The following HDLBP variants were observed in gnomAD, a reference collection of about 807,000 sequenced individuals.
HDLBP encodes high density lipoprotein binding protein.
Under a neutral mutation model 137.3 loss-of-function variants are expected in HDLBP, and 30 were observed. The ratio of observed to expected loss-of-function variants is 0.22; its 90% CI spans 0.16 to 0.30. HDLBP has a LOEUF of 0.30. HDLBP is among the 10% of genes least tolerant of loss of function. HDLBP has a pLI of 1.00. For synonymous variants in HDLBP, 606 were observed against 596.0 expected (o/e 1.02, Z -0.24); for missense variants, 1,119 against 1,667.3 (o/e 0.67, Z 5.73).
chr2:241,256,220 C>G lies in HDLBP; in HGVS notation c.837G>C (p.Gln279His). Residue 279 changes from glutamine to histidine, a missense_variant, in exon 7 of 28, where the codon CAG becomes CAC. Gln to His is a conservative substitution (Grantham distance 24). Around this residue, in one of 4 missense-constraint regions of HDLBP, gnomAD observed 425 missense variants for 693.9 expected, o/e 0.61. Transcript: ENST00000310931. Reference sequence around the variant, plus strand: ...AAATCTTCTTGATGCGAGCCACAGCCTGAGCCAACTGTTCCTTCTCTCCAG... The same window carrying G: ...AAATCTTCTTGATGCGAGCCACAGCGTGAGCCAACTGTTCCTTCTCTCCAG... The part of the protein sequence containing the change: ...VFTGEKEQLA[Q>H]AVARIKKIYE... 6.2e-7 allele frequency: 1 copy of G among 1,614,194 alleles called. No individual in the cohort carries two copies. Among genetic ancestry groups the G allele is most frequent in the East Asian group, 2.2e-5 (1 of 44,878 alleles).
chr2:241,237,879 A>G (rs2149379179), intron 20 of HDLBP, among the ~76,000 whole-genome samples: 1 of 152,320 alleles, frequency 6.6e-6, no homozygotes, highest in Non-Finnish European at 1.5e-5. Context: ...TTAGTTTCCT[A>G]CTCAAAACAC....
chr2:241,292,211 C>G (rs1420344406), intron 1 of HDLBP, among the ~76,000 whole-genome samples: 1 of 151,258 alleles, frequency 6.6e-6, no homozygotes, highest in East Asian at 1.9e-4. Context: ...AACAAACAGC[C>G]TGAAACCAAT....
intron 1 of HDLBP, among the ~76,000 whole-genome samples, chr2:241,285,750 T>C (rs2074783235): frequency 6.6e-6 from 1 of 152,234 alleles, no homozygotes; most frequent in African/African-American, 2.4e-5. Context: ...AAATTATGGC[T>C]GGACATGGTG....
At position 241,295,602 on chromosome 2, in the gene HDLBP, A is replaced by C. The variant is rs2075147774; in HGVS notation, c.-103+19968T>G. 1.3e-5 allele frequency among the ~76,000 whole-genome samples: 2 copies of C among 152,216 alleles called. 1 individual carries two copies. The highest frequency in any genetic ancestry group is 4.1e-4 in the South Asian group (2 of 4,830). On this transcript the variant is annotated intron_variant, in intron 1 of 27. Transcript: ENST00000310931. ...CTACACCCCCAATCACACTCCAAAT[A>C]ACATCTGTGATAGGCTGAAAAATGG...
At chr2:241,314,949 G>T (rs1226678728) in intron 1 of HDLBP, among the ~76,000 whole-genome samples, 1 of 152,104 alleles carries the variant, frequency 6.6e-6, no homozygotes, top group South Asian at 2.1e-4. Context: ...CAGGCCACGC[G>T]GGAGGGAGGA....
At chr2:241,267,038 A>G in intron 2 of HDLBP, 132 bp from the exon 3 acceptor site, 1 of 673,880 alleles carries the variant, frequency 1.5e-6, no homozygotes, top group Non-Finnish European at 2.6e-6. Context: ...TTTTCCTCAC[A>G]ACCTCTGATG....
chr2:241,313,095 CAGTT>C (rs975294447), intron 1 of HDLBP, among the ~76,000 whole-genome samples: 2 of 152,208 alleles, frequency 1.3e-5, no homozygotes, highest in African/African-American at 4.8e-5. Context: ...TTTTAAACCG[CAGTT>C]CAAGGACCAC....
chr2:241,236,475 G>A (rs559372246), intron 21 of HDLBP, 140 bp downstream of exon 21: 65 of 817,576 alleles, frequency 8.0e-5, no homozygotes, highest in South Asian at 1.1e-4. Flanking sequence ...CAGCCCGTGC[G>A]CACACGGTAG....
intron 1 of HDLBP, among the ~76,000 whole-genome samples, chr2:241,275,958 T>C (rs999904748): frequency 6.6e-6 from 1 of 152,046 alleles, no homozygotes; most frequent in African/African-American, 2.4e-5. Flanking sequence ...AAAGAAGGAA[T>C]ACTGATAAAC....
intron 23 of HDLBP, among the ~76,000 whole-genome samples, chr2:241,234,258 C>T (rs895102944): frequency 6.6e-6 from 1 of 152,176 alleles, no homozygotes; most frequent in Non-Finnish European, 1.5e-5. Flanking sequence ...CAGTGAGTCA[C>T]GAGCTTGGGG....
chr2:241,254,154 A>G (rs2072428403), intron 9 of HDLBP, among the ~76,000 whole-genome samples: 2 of 152,148 alleles, frequency 1.3e-5, no homozygotes, highest in African/African-American at 2.4e-5. Flanking sequence ...AGTGCCAGCT[A>G]CTTGGGAAGC....
Position 241,233,793 on chromosome 2 carries a change from C to CCGA in HDLBP, c.3288+24_3288+26dup. On this transcript the variant is annotated intron_variant, in intron 24 of 27. Coordinates refer to ENST00000310931, the MANE Select transcript of HDLBP (RefSeq NM_005336.6). This position sits in a 1 kb window ranked among gnomAD's most constrained non-coding sequence, Gnocchi z 4.3. Reference sequence around the variant, plus strand: ...GAAAGGTCAACAAGCACCTCTGCCCCCGACACGCTCCAACCGAGGCTCTCA... The same window carrying CCGA: ...GAAAGGTCAACAAGCACCTCTGCCCCCGACGACACGCTCCAACCGAGGCTCTCA... The CCGA allele has an allele frequency of 6.2e-7, 1 of 1,613,728 alleles. No individual in the cohort carries two copies. Among genetic ancestry groups the CCGA allele is most frequent in the Non-Finnish European group, 8.5e-7 (1 of 1,179,978 alleles).
Position 241,272,973 on chromosome 2 carries a change from C to A in HDLBP, c.-102-4432G>T. The stretch of plus-strand genomic sequence containing the variant: ...CCCGGGAGGCCCACCCAACTGCAGG[C>A]GTGGTTCTGCATCCTTTTTTCGGGT... On this transcript the variant is annotated intron_variant, in intron 1 of 27. Coordinates refer to ENST00000310931, the MANE Select transcript of HDLBP (RefSeq NM_005336.6). The surrounding 1 kb of genome is among the most constrained non-coding windows in gnomAD (Gnocchi z 5.6). 3.6e-5 allele frequency: 35 copies of A among 966,744 alleles called. No individual in the cohort carries two copies. Among genetic ancestry groups the A allele is most frequent in the Non-Finnish European group, 4.3e-5 (35 of 812,652 alleles). 59.9% of individuals were successfully genotyped at this position (966,744 alleles called of 1,614,324 possible).
rs773773749 is a variant in HDLBP at position 241,238,680 on chromosome 2, T to C, written c.2718A>G (p.Gln906=). 12 of 1,580,954 alleles carry C rather than the reference T, an allele frequency of 7.6e-6. No individual in the cohort carries two copies. In the East Asian group the frequency reaches 9.1e-5, roughly 12 times the overall value. Residue 906 remains glutamine, a synonymous_variant, in exon 20 of 28, where the codon CAA becomes CAG. Coordinates refer to ENST00000310931, the MANE Select transcript of HDLBP (RefSeq NM_005336.6). This position sits in a 1 kb window ranked among gnomAD's most constrained non-coding sequence, Gnocchi z 4.9. ...IQQITRDFSV[Q]IKFPDREENA... ...TCTCCTCTCTGTCTGGGAATTTAAT[T>C]TGAACACTGAAATCCCGAGTAATCT...
At chr2:241,250,811 T>C (rs1007624963) in intron 11 of HDLBP, 12 of 152,040 alleles carry the variant, frequency 7.9e-5, no homozygotes, top group African/African-American at 2.9e-4. Flanking sequence ...GCAGAGGACA[T>C]GGGAGCTGGG....
chr2:241,288,920 T>C (rs2074920609), intron 1 of HDLBP, among the ~76,000 whole-genome samples: 1 of 152,198 alleles, frequency 6.6e-6, no homozygotes, highest in African/African-American at 2.4e-5. Flanking sequence ...AACAAAATAA[T>C]TTGAAGTTTG....
chr2:241,268,068 T>G, intron 2 of HDLBP: 1 of 638,758 alleles, frequency 1.6e-6, no homozygotes, highest in Non-Finnish European at 1.9e-6. Flanking sequence ...CTTTACACAA[T>G]TACGCATCAA....
intron 3 of HDLBP, 89 bp downstream of exon 3, chr2:241,266,705 C>CT (rs1180664623): frequency 1.1e-6 from 1 of 902,926 alleles, no homozygotes; most frequent in East Asian, 2.4e-5. Flanking sequence ...CCAAAAGGTA[C>CT]TTCTAGAAAG....
At chr2:241,287,658 G>C (rs968829797) in intron 1 of HDLBP, among the ~76,000 whole-genome samples, 1 of 152,038 alleles carries the variant, frequency 6.6e-6, no homozygotes, top group Non-Finnish European at 1.5e-5. Context: ...CCTGGCCTCA[G>C]TGATCTGCCT....
Sources: allele counts gnomAD v4.1 joint callset (sites outside exome capture counted in the v4.1 genomes callset), GRCh38; gene constraint gnomAD v4.1.1; regional missense constraint gnomAD v4.1.1; non-coding constraint Gnocchi (gnomAD v3.1); transcripts MANE v1.5; gene names NCBI Gene and HGNC (gene_info 2026-07-23, HGNC 2026-07-21).